The following PIK3C2G variants were observed in gnomAD, a reference collection of about 807,000 sequenced individuals.
The protein encoded by PIK3C2G is phosphatidylinositol-4-phosphate 3-kinase catalytic subunit type 2 gamma, also known as phosphatidylinositol 3-kinase C2 domain-containing subunit gamma.
In PIK3C2G, 168 loss-of-function variants were observed where a neutral mutation model predicts 181.1. That is an observed-to-expected ratio of 0.93 (90% CI 0.82 to 1.05). The LOEUF (loss-of-function observed/expected upper bound fraction) is 1.05, where lower values mean the gene tolerates loss of function less well. PIK3C2G is among the 50% of genes least tolerant of loss of function. PIK3C2G has a pLI of 0.00. For synonymous variants in PIK3C2G, 573 were observed against 592.2 expected (o/e 0.97, Z 0.47); for missense variants, 1,869 against 1,732.8 (o/e 1.08, Z -1.40).
chr12:18,638,273 G>A (rs748237872), intron 31 of PIK3C2G, among the ~76,000 whole-genome samples: 30 of 152,282 alleles, frequency 2.0e-4, no homozygotes, highest in Admixed American at 3.3e-4. Flanking sequence ...CTCAGAGGAG[G>A]CTATCACTAT....
intron 31 of PIK3C2G, among the ~76,000 whole-genome samples, chr12:18,632,450 C>A (rs779694041): frequency 1.3e-5 from 2 of 151,778 alleles, no homozygotes; most frequent in Admixed American, 6.6e-5. Context: ...AAAACAGAAC[C>A]AATAATAAGT....
chr12:18,693,577 A>ACGGGAATTG, the PIK3C2G span: 1 of 1,598,458 alleles, frequency 6.3e-7, no homozygotes, highest in East Asian at 2.2e-5. Context: ...CCAAACTCGG[A>ACGGGAATTG]CGGGAATTGT....
the PIK3C2G span, among the ~76,000 whole-genome samples, chr12:18,704,569 C>T: frequency 2.4e-4 from 37 of 152,092 alleles, no homozygotes; most frequent in African/African-American, 8.2e-4. Context: ...TCAGGGGATC[C>T]GCCCTCCTCA....
At chr12:18,650,698 GTGTGTGTATATATCTATATATATATA>G (rs1950435921), downstream of PIK3C2G, among the ~76,000 whole-genome samples, 14 of 29,112 alleles carry the variant, frequency 4.8e-4, no homozygotes, top group African/African-American at 1.1e-3. Context: ...GTGTGTGTGT[GTGTGTGTATATATCTATATATATATA>G]TATATATATA....
rs551418928 is a variant in PIK3C2G, at chr12:18,319,094, T to A, written c.1138-1868T>A. On this transcript the variant is annotated intron_variant, in intron 6 of 32. Transcript: ENST00000538779. ...AGCAAGACTCTGTCTCAAAAAAAAA[T>A]AAATAAATAATAAAAAGCAGGTTGA... Among the ~76,000 whole-genome samples the A allele has an allele frequency of 7.3e-4, 110 of 150,286 alleles. 2 individuals are homozygous for A. In the Middle Eastern group the frequency reaches 0.027, roughly 37 times the overall value.
intron 18 of PIK3C2G, among the ~76,000 whole-genome samples, chr12:18,433,979 A>T (rs2135780138): frequency 6.6e-6 from 1 of 152,300 alleles, no homozygotes. Context: ...TGGCTCAGTC[A>T]TTCCCTATCC....
chr12:18,422,301 T>C (rs1438866450), intron 17 of PIK3C2G, among the ~76,000 whole-genome samples: 2 of 148,272 alleles, frequency 1.3e-5, no homozygotes, highest in Non-Finnish European at 3.0e-5. Context: ...AAGAAATAGA[T>C]AATGTGACTA....
At chr12:18,445,634 ATAT>A (rs1946982981) in intron 18 of PIK3C2G, among the ~76,000 whole-genome samples, 1 of 152,132 alleles carries the variant, frequency 6.6e-6, no homozygotes, top group Admixed American at 6.6e-5. Context: ...ATGTATGATA[ATAT>A]TCATGGTAGT....
intron 9 of PIK3C2G, among the ~76,000 whole-genome samples, chr12:18,342,743 C>A (rs1939259793): frequency 6.6e-6 from 1 of 151,596 alleles, no homozygotes; most frequent in Non-Finnish European, 1.5e-5. Flanking sequence ...CACTAATGGA[C>A]ATGAATTTAA....
intron 1 of PIK3C2G, among the ~76,000 whole-genome samples, chr12:18,275,286 C>T (rs973025652): frequency 6.6e-6 from 1 of 152,202 alleles, no homozygotes; most frequent in African/African-American, 2.4e-5. Context: ...GACTCATGAC[C>T]TAGTACTTTG....
chr12:18,549,907 C>T (rs1465466886), intron 26 of PIK3C2G, among the ~76,000 whole-genome samples: 1 of 151,784 alleles, frequency 6.6e-6, no homozygotes, highest in Non-Finnish European at 1.5e-5. Context: ...TGGCCCATTC[C>T]ACAATGCCAT....
At chr12:18,521,281 A>G (rs1228863349) in intron 24 of PIK3C2G, among the ~76,000 whole-genome samples, 1 of 152,190 alleles carries the variant, frequency 6.6e-6, no homozygotes, top group Non-Finnish European at 1.5e-5. Context: ...CCTGTGGTAG[A>G]AGGGTTGTGC....
At chr12:18,694,903 A>G in the PIK3C2G span, 87 of 1,575,358 alleles carry the variant, frequency 5.5e-5, 1 homozygote, top group South Asian at 4.8e-4. Context: ...AAATTTATTA[A>G]TCTTACCCTT....
intron 19 of PIK3C2G, among the ~76,000 whole-genome samples, chr12:18,490,088 A>G (rs923221609): frequency 6.6e-6 from 1 of 152,144 alleles, no homozygotes; most frequent in Non-Finnish European, 1.5e-5. Context: ...GTACTTAAAA[A>G]AGCACTAATT....
chr12:18,479,619 C>A (rs946191117), intron 18 of PIK3C2G, among the ~76,000 whole-genome samples: 1 of 152,020 alleles, frequency 6.6e-6, no homozygotes, highest in Non-Finnish European at 1.5e-5. Context: ...TTATAGAGCC[C>A]CGGAACTGGA....
At chr12:18,474,141 G>A (rs543042527) in intron 18 of PIK3C2G, among the ~76,000 whole-genome samples, 13 of 152,148 alleles carry the variant, frequency 8.5e-5, no homozygotes, top group African/African-American at 3.1e-4. Context: ...ACTAGGTACT[G>A]TTCTAAATTA....
intron 20 of PIK3C2G, among the ~76,000 whole-genome samples, 198 bp from the exon 21 acceptor site, chr12:18,495,864 A>G (rs1050751387): frequency 2.0e-5 from 3 of 152,132 alleles, no homozygotes; most frequent in African/African-American, 4.8e-5. Flanking sequence ...TTCAAAGTAA[A>G]GGCTCCAGTT....
intron 18 of PIK3C2G, among the ~76,000 whole-genome samples, chr12:18,443,683 G>A (rs1946869467): frequency 1.3e-5 from 2 of 152,072 alleles, no homozygotes; most frequent in Non-Finnish European, 2.9e-5. Flanking sequence ...TTCTTTCACG[G>A]AAAAGTGATA....
intron 18 of PIK3C2G, among the ~76,000 whole-genome samples, chr12:18,469,358 A>C (rs1430812901): frequency 1.3e-5 from 2 of 152,134 alleles, no homozygotes; most frequent in Non-Finnish European, 2.9e-5. Flanking sequence ...TATTTCTTAC[A>C]GGAAAGAAAC....
Sources: allele counts gnomAD v4.1 joint callset (sites outside exome capture counted in the v4.1 genomes callset), GRCh38; gene constraint gnomAD v4.1.1; transcripts MANE v1.5; gene names NCBI Gene and HGNC (gene_info 2026-07-23, HGNC 2026-07-21).